The following NSD1 variants were observed in gnomAD, a reference collection of about 807,000 sequenced individuals.
NSD1 encodes nuclear receptor binding SET domain protein 1.
NSD1 carries 26 observed loss-of-function variants against 242.7 expected under a neutral mutation model. The observed-to-expected ratio is 0.11, with a 90% CI of 0.08 to 0.15. NSD1 has a LOEUF of 0.15. Among genes scored for constraint, NSD1 ranks in the 10% least tolerant of loss-of-function variants. The pLI is 1.00. For synonymous variants in NSD1, 1,106 were observed against 1,178.1 expected (o/e 0.94, Z 1.25); for missense variants, 2,495 against 3,272.8 (o/e 0.76, Z 5.80).
intron 20 of NSD1, among the ~76,000 whole-genome samples, chr5:177,288,312 G>A: frequency 6.6e-6 from 1 of 152,160 alleles, no homozygotes. Flanking sequence ...TCAGGATTCA[G>A]ATTACCCTGC....
intron 15 of NSD1, among the ~76,000 whole-genome samples, chr5:177,268,612 T>C (rs1303408476): frequency 2.0e-5 from 3 of 152,212 alleles, no homozygotes; most frequent in Non-Finnish European, 4.4e-5. Flanking sequence ...GTTGGTACTT[T>C]TGAGGTTTAT....
chr5:177,148,104 G>T (rs768016055), intron 2 of NSD1, among the ~76,000 whole-genome samples: 1 of 150,770 alleles, frequency 6.6e-6, no homozygotes, highest in South Asian at 2.1e-4. Context: ...GTATTATATG[G>T]TAATGGCATG....
chr5:177,282,056 A>G (rs560189660), intron 18 of NSD1, among the ~76,000 whole-genome samples: 7 of 152,384 alleles, frequency 4.6e-5, no homozygotes, highest in Admixed American at 2.0e-4. Context: ...TGACTGTAGC[A>G]TAATGAATAG....
intron 2 of NSD1, among the ~76,000 whole-genome samples, chr5:177,162,383 A>C (rs917787335): frequency 6.9e-6 from 1 of 145,100 alleles, no homozygotes; most frequent in Admixed American, 6.8e-5. Flanking sequence ...CCAGGCTGGA[A>C]GTCATTATAG....
chr5:177,235,566 C>T (rs1765378702), intron 5 of NSD1, among the ~76,000 whole-genome samples: 1 of 152,040 alleles, frequency 6.6e-6, no homozygotes, highest in Non-Finnish European at 1.5e-5. Context: ...TTAACCTTTT[C>T]CTTAATTTTG....
intron 3 of NSD1, among the ~76,000 whole-genome samples, chr5:177,201,175 C>T (rs1375546128): frequency 1.3e-5 from 2 of 152,008 alleles, no homozygotes; most frequent in Non-Finnish European, 2.9e-5. Flanking sequence ...GTGTGAGCCA[C>T]TGTGTCCAAC....
chr5:177,174,871 CTTTTTTTTT>C (rs377543241), intron 2 of NSD1, among the ~76,000 whole-genome samples: 1 of 89,694 alleles, frequency 1.1e-5, no homozygotes. Context: ...CCTTATCTGA[CTTTTTTTTT>C]TTTTTTTTTT....
At chr5:177,232,516 TC>T (rs1310733328) in intron 5 of NSD1, among the ~76,000 whole-genome samples, 3 of 152,130 alleles carry the variant, frequency 2.0e-5, no homozygotes, top group Non-Finnish European at 4.4e-5. Context: ...TTATTCAACG[TC>T]CCCCAGGGAA....
intron 2 of NSD1, among the ~76,000 whole-genome samples, chr5:177,159,281 T>G (rs79590982): frequency 0.039 from 5,894 of 151,378 alleles, 129 homozygotes; most frequent in African/African-American, 0.043. Context: ...CAGTTTTTTT[T>G]TTTGTTTGTT....
intron 18 of NSD1, among the ~76,000 whole-genome samples, chr5:177,281,771 G>A (rs1758908900): frequency 6.6e-6 from 1 of 152,150 alleles, no homozygotes; most frequent in Non-Finnish European, 1.5e-5. Flanking sequence ...TCCCATCTCA[G>A]CCTCCTGAGT....
chr5:177,226,360 C>G (rs1441746423), intron 5 of NSD1, among the ~76,000 whole-genome samples: 1 of 152,188 alleles, frequency 6.6e-6, no homozygotes, highest in Admixed American at 6.5e-5. Context: ...TTTGTTAAAC[C>G]TGTTCTCAAT....
chr5:177,271,410 G>A (rs895311819), intron 16 of NSD1, among the ~76,000 whole-genome samples: 2 of 152,048 alleles, frequency 1.3e-5, no homozygotes, highest in African/African-American at 4.8e-5. Flanking sequence ...CCTATGAGGT[G>A]GATACCATCC....
At chr5:177,207,792 G>A (rs1184711738) in intron 4 of NSD1, among the ~76,000 whole-genome samples, 1 of 151,518 alleles carries the variant, frequency 6.6e-6, no homozygotes, top group African/African-American at 2.4e-5. Flanking sequence ...ATCCAGGCTG[G>A]AGTGCAGTGG....
intron 21 of NSD1, among the ~76,000 whole-genome samples, chr5:177,291,256 C>T (rs1759793940): frequency 6.6e-6 from 1 of 152,194 alleles, no homozygotes; most frequent in Non-Finnish European, 1.5e-5. Flanking sequence ...TGTCTTAACA[C>T]ATTGCTTATA....
intron 4 of NSD1, among the ~76,000 whole-genome samples, chr5:177,209,397 CG>C (rs1763151224): frequency 6.6e-6 from 1 of 151,552 alleles, no homozygotes; most frequent in Non-Finnish European, 1.5e-5. Context: ...GGTGTGGTGG[CG>C]GGTGCCTGTA....
intron 16 of NSD1, among the ~76,000 whole-genome samples, chr5:177,271,467 C>T (rs1757937798): frequency 2.6e-5 from 4 of 152,122 alleles, no homozygotes; most frequent in African/African-American, 4.8e-5. Flanking sequence ...TTAAAGTACT[C>T]GCCTAACATA....
At chr5:177,207,561 C>T (rs1762979460) in intron 4 of NSD1, among the ~76,000 whole-genome samples, 1 of 142,044 alleles carries the variant, frequency 7.0e-6, no homozygotes, top group African/African-American at 2.7e-5. Flanking sequence ...GGATTGCAGG[C>T]GTGAGCCACC....
At chr5:177,205,560 TTAAACACTTTTAAGTG>T (rs1762807886) in intron 4 of NSD1, among the ~76,000 whole-genome samples, 1 of 151,740 alleles carries the variant, frequency 6.6e-6, no homozygotes, top group African/African-American at 2.4e-5. Context: ...AATTACTATC[TTAAACACTTTTAAGTG>T]TACAGTTAAT....
upstream of NSD1, chr5:177,133,043 G>A (rs564544235): frequency 1.3e-5 from 2 of 153,228 alleles, no homozygotes; most frequent in South Asian, 4.1e-4. The surrounding 1 kb of genome is among the most constrained non-coding windows in gnomAD (Gnocchi z 6.2). Context: ...CTTGGTCTGT[G>A]GTGGTGGTGG....
Sources: gnomAD v4.1 joint callset for allele counts (sites outside exome capture counted in the v4.1 genomes callset) on GRCh38, gnomAD v4.1.1 for gene constraint, Gnocchi (gnomAD v3.1) non-coding constraint, MANE v1.5 for transcripts, NCBI Gene and HGNC (gene_info 2026-07-23, HGNC 2026-07-21) for gene names.